The following ATP2B2 variants were observed in gnomAD, a reference collection of about 807,000 sequenced individuals.
ATP2B2 encodes plasma membrane calcium-transporting ATPase 2.
In ATP2B2, 15 loss-of-function variants were observed where a neutral mutation model predicts 120.0. The observed-to-expected ratio is 0.12, with a 90% confidence interval of 0.08 to 0.19. The LOEUF (loss-of-function observed/expected upper bound fraction) is 0.19. Ranked by LOEUF, ATP2B2 falls within the 10% of genes least tolerant of loss-of-function variation. ATP2B2 has a pLI of 1.00. For missense variants in ATP2B2, 1,045 were observed against 1,719.8 expected (o/e 0.61, Z 6.94); for synonymous variants, 694 against 700.3 (o/e 0.99, Z 0.14).
intron 3 of ATP2B2, among the ~76,000 whole-genome samples, chr3:10,532,030 T>C (rs1210900207): frequency 7.1e-6 from 1 of 140,680 alleles, no homozygotes; most frequent in East Asian, 2.1e-4. Flanking sequence ...GATCTGGCCC[T>C]TTCTGATGTG....
At chr3:10,644,961 A>C (rs192565877) in intron 1 of ATP2B2, among the ~76,000 whole-genome samples, 1 of 152,372 alleles carries the variant, frequency 6.6e-6, no homozygotes, top group East Asian at 1.9e-4. Flanking sequence ...AGAATGTATA[A>C]ATTGCACTAC....
intron 5 of ATP2B2, among the ~76,000 whole-genome samples, chr3:10,400,227 G>A (rs1012112958): frequency 2.0e-5 from 3 of 152,180 alleles, no homozygotes; most frequent in Non-Finnish European, 4.4e-5. Context: ...GCTTAAAACC[G>A]TTTCAGAGAA....
chr3:10,488,721 G>A (rs1223093028), intron 1 of ATP2B2, among the ~76,000 whole-genome samples: 8 of 152,004 alleles, frequency 5.3e-5, no homozygotes, highest in African/African-American at 1.9e-4. Flanking sequence ...AAGCTATCCT[G>A]AATGTGACCC....
intron 1 of ATP2B2, among the ~76,000 whole-genome samples, chr3:10,497,344 G>A (rs752188127): frequency 5.3e-5 from 8 of 152,220 alleles, no homozygotes; most frequent in Non-Finnish European, 1.0e-4. Flanking sequence ...CCAGTCTGCT[G>A]GGAGCTGGCT....
intron 2 of ATP2B2, among the ~76,000 whole-genome samples, chr3:10,614,015 C>G (rs1383954290): frequency 6.6e-6 from 1 of 152,086 alleles, no homozygotes; most frequent in Non-Finnish European, 1.5e-5. Flanking sequence ...TTCCCTCATT[C>G]CAGCCTGAAA....
intron 1 of ATP2B2, among the ~76,000 whole-genome samples, chr3:10,463,935 G>A (rs935926209): frequency 4.6e-5 from 7 of 152,218 alleles, no homozygotes; most frequent in African/African-American, 9.6e-5. Flanking sequence ...GGCACATGCC[G>A]CTGCCTACCT....
At chr3:10,449,241 T>C in intron 2 of ATP2B2, 104 bp downstream of exon 2, 1 of 1,307,212 alleles carries the variant, frequency 7.6e-7, no homozygotes, top group Non-Finnish European at 1.1e-6. Context: ...TCAGCCTTTC[T>C]CTGACACATC....
At chr3:10,498,998 A>C (rs2066272758) in intron 1 of ATP2B2, among the ~76,000 whole-genome samples, 1 of 152,150 alleles carries the variant, frequency 6.6e-6, no homozygotes, top group Non-Finnish European at 1.5e-5. Context: ...CAATCTTGTG[A>C]GGCAGGTTTT....
In ATP2B2 at chr3:10,449,570, G is replaced by T; in HGVS notation, c.-27C>A. On this transcript the variant is annotated 5_prime_UTR_variant, in exon 2 of 23. Coordinates refer to ENST00000360273, the MANE Select transcript of ATP2B2 (RefSeq NM_001001331.4). ...TTTGCTGCGGTCCTTGCTCGGGCTG[G>T]GCCCAAGGGTCAGCGCTGGACAAGA... 12 of 1,613,954 alleles carry T rather than the reference G, an allele frequency of 7.4e-6. No homozygotes were observed. The highest frequency in any genetic ancestry group is 1.0e-5 in the Non-Finnish European group (12 of 1,179,840).
At chr3:10,400,099 C>A (rs1289468410) in intron 5 of ATP2B2, among the ~76,000 whole-genome samples, 1 of 152,212 alleles carries the variant, frequency 6.6e-6, no homozygotes, top group Non-Finnish European at 1.5e-5. Flanking sequence ...GCCTTTTGGG[C>A]GTCCCTGTGA....
chr3:10,328,398 C>G lies in ATP2B2; in HGVS notation c.*416G>C, dbSNP rs1296223260. The G allele has an allele frequency of 1.1e-5, 2 of 187,422 alleles. No homozygotes were observed. The highest frequency in any genetic ancestry group is 4.7e-5 in the African/African-American group (2 of 42,188). 11.6% of individuals were successfully genotyped at this position (187,422 alleles called of 1,614,324 possible). A position where few individuals can be genotyped will look rare whatever the true frequency, so the allele number is the denominator to read the frequency against. ...CTCAGAAAAGAGTCTGTTTGCAGTT[C>G]CCGCCTAAGAAAACAAACAAACAAA... On this transcript the variant is annotated 3_prime_UTR_variant, in exon 23 of 23. Transcript: ENST00000360273.
intron 2 of ATP2B2, among the ~76,000 whole-genome samples, chr3:10,599,300 G>T (rs558219263): frequency 6.6e-6 from 1 of 152,110 alleles, no homozygotes; most frequent in Non-Finnish European, 1.5e-5. Flanking sequence ...ACTGCTTCTC[G>T]CCATTGGTTC....
At chr3:10,588,026 C>T (rs529855083) in intron 2 of ATP2B2, among the ~76,000 whole-genome samples, 1 of 152,352 alleles carries the variant, frequency 6.6e-6, no homozygotes, top group East Asian at 1.9e-4. Flanking sequence ...CACTAGTACA[C>T]TGAGGAGTAT....
chr3:10,407,850 A>G (rs1325779757), intron 3 of ATP2B2, among the ~76,000 whole-genome samples: 1 of 151,330 alleles, frequency 6.6e-6, no homozygotes, highest in Non-Finnish European at 1.5e-5. Context: ...TCCTTCAATC[A>G]TCACAAGATC....
rs1006747773 is a variant in ATP2B2, at chr3:10,342,040, C to T, written c.2917+712G>A. ...TGGGACTGCGGGCCAGACCCTTCCC[C>T]TCTCTGGGCCTCTGTTTCCCCATCT... On this transcript the variant is annotated intron_variant, in intron 19 of 22. Coordinates refer to ENST00000360273, the MANE Select transcript of ATP2B2 (RefSeq NM_001001331.4). The surrounding 1 kb of genome is among the most constrained non-coding windows in gnomAD (Gnocchi z 4.4). Among the ~76,000 whole-genome samples the T allele has an allele frequency of 6.6e-5, 10 of 152,246 alleles. No individual in the cohort carries two copies. The highest frequency in any genetic ancestry group is 2.4e-4 in the African/African-American group (10 of 41,470).
chr3:10,426,497 G>C (rs1235195573), intron 2 of ATP2B2, among the ~76,000 whole-genome samples: 1 of 152,156 alleles, frequency 6.6e-6, no homozygotes, highest in Admixed American at 6.5e-5. Context: ...CTGTGCCAGA[G>C]ACCACATAGC....
At chr3:10,388,099 A>C (rs1293757792) in intron 6 of ATP2B2, 178 bp downstream of exon 6, 1 of 833,612 alleles carries the variant, frequency 1.2e-6, no homozygotes, top group Non-Finnish European at 2.0e-6. Flanking sequence ...AGACCTGGAG[A>C]TGGAACAGAC....
At chr3:10,365,136 G>A (rs946892366) in intron 12 of ATP2B2, among the ~76,000 whole-genome samples, 3 of 152,240 alleles carry the variant, frequency 2.0e-5, no homozygotes, top group Admixed American at 1.3e-4. Flanking sequence ...AGGAGCCGAA[G>A]CAGGGGGTCT....
intron 1 of ATP2B2, among the ~76,000 whole-genome samples, chr3:10,653,946 TC>T (rs1265058440): frequency 2.0e-5 from 3 of 152,092 alleles, no homozygotes; most frequent in African/African-American, 7.2e-5. Flanking sequence ...AATACCCCCT[TC>T]TTCTGTGAGG....
Sources: gnomAD v4.1 joint callset for allele counts (sites outside exome capture counted in the v4.1 genomes callset) on GRCh38, gnomAD v4.1.1 for gene constraint, Gnocchi (gnomAD v3.1) non-coding constraint, MANE v1.5 for transcripts, NCBI Gene and HGNC (gene_info 2026-07-23, HGNC 2026-07-21) for gene names.